The following VPS36 variants were observed in gnomAD, a reference collection of about 807,000 sequenced individuals.
The protein encoded by VPS36 is vacuolar protein sorting 36 homolog.
VPS36 carries 31 observed loss-of-function variants against 63.5 expected under a neutral mutation model. The ratio of observed to expected loss-of-function variants is 0.49; its 90% CI spans 0.37 to 0.66. VPS36 has a LOEUF of 0.66. Ranked by LOEUF, VPS36 falls within the 30% of genes least tolerant of loss-of-function variation. The pLI is 0.00. For missense variants in VPS36, 338 were observed against 463.7 expected, an observed-to-expected ratio of 0.73 and a Z score of 2.49; for synonymous variants, 138 against 157.2, an observed-to-expected ratio of 0.88 and a Z score of 0.91.
Position 52,413,378 on chromosome 13 carries a change from A to G in VPS36, c.*2452T>C, listed in dbSNP as rs574195816. The G allele has an allele frequency of 1.4e-5, 2 of 146,482 alleles. No individual in the cohort carries two copies. Among genetic ancestry groups the G allele is most frequent in the Admixed American group, 6.7e-5 (1 of 14,898 alleles). 9.1% of individuals were successfully genotyped at this position (146,482 alleles called of 1,614,324 possible). A position where few individuals can be genotyped will look rare whatever the true frequency, so the allele number is the denominator to read the frequency against. ...ACTAAAACAGTAAGAGCTCAATGTC[A>G]TAAGTATTTATAAGCAACTCTTAAT... On this transcript the variant is annotated 3_prime_UTR_variant, in exon 14 of 14. Transcript: ENST00000378060.
chr13:52,419,268 T>C (rs966250807), intron 10 of VPS36, among the ~76,000 whole-genome samples: 3 of 152,206 alleles, frequency 2.0e-5, no homozygotes, highest in African/African-American at 2.4e-5. Flanking sequence ...GAAGAACAGC[T>C]GAAGAATAGC....
At chr13:52,450,384 G>C in intron 1 of VPS36, 115 bp downstream of exon 1, 2 of 1,283,646 alleles carry the variant, frequency 1.6e-6, no homozygotes, top group Non-Finnish European at 2.0e-6. Context: ...GCCGCCGAGG[G>C]CCGTGAGCTA....
intron 4 of VPS36, chr13:52,436,073 C>T (rs1037904550): frequency 2.4e-6 from 1 of 416,450 alleles, no homozygotes; most frequent in Non-Finnish European, 4.3e-6. Context: ...GGAACACAAC[C>T]TCTGCTTCCC....
intron 3 of VPS36, among the ~76,000 whole-genome samples, chr13:52,437,102 T>C (rs1958226924): frequency 6.6e-6 from 1 of 152,134 alleles, no homozygotes; most frequent in Non-Finnish European, 1.5e-5. Flanking sequence ...TATAAAGATT[T>C]GGGAAACTAA....
chr13:52,438,587 A>G (rs1958242367), intron 3 of VPS36, among the ~76,000 whole-genome samples: 1 of 152,236 alleles, frequency 6.6e-6, no homozygotes, highest in Non-Finnish European at 1.5e-5. Context: ...TTGAATAAAC[A>G]GGAACATTTG....
chr13:52,447,784 CA>C (rs981514623), intron 1 of VPS36, among the ~76,000 whole-genome samples: 2 of 123,682 alleles, frequency 1.6e-5, no homozygotes, highest in African/African-American at 5.3e-5. Flanking sequence ...ATTATGAAGT[CA>C]TTTTTTTTTT....
At chr13:52,430,672 T>C (rs754850330) in intron 6 of VPS36, among the ~76,000 whole-genome samples, 13 of 151,562 alleles carry the variant, frequency 8.6e-5, no homozygotes, top group African/African-American at 1.5e-4. Flanking sequence ...AAAATTTCCC[T>C]GAAATTAAAA....
chr13:52,449,161 T>C (rs1472523728), intron 1 of VPS36, among the ~76,000 whole-genome samples: 1 of 152,188 alleles, frequency 6.6e-6, no homozygotes, highest in African/African-American at 2.4e-5. Flanking sequence ...CTGGCCAATG[T>C]GGTGAAACCC....
At chr13:52,432,246 G>C (rs1958166829) in intron 6 of VPS36, among the ~76,000 whole-genome samples, 1 of 152,062 alleles carries the variant, frequency 6.6e-6, no homozygotes. Context: ...AGCTACTCGG[G>C]AGGCTGAGGC....
rs966092925 is a variant in VPS36, at chr13:52,425,849, T to C, written c.774+83A>G. On this transcript the variant is annotated intron_variant, in intron 9 of 13. Transcript: ENST00000378060. ...GTTGACAATAACCATATCATGAAAA[T>C]AGTTATGCTCTTGTTAACATTTCTA... 18 of 1,371,128 alleles carry C rather than the reference T, an allele frequency of 1.3e-5. 1 individual carries two copies. The highest frequency in any genetic ancestry group is 2.0e-4 in the Middle Eastern group (1 of 5,000). The allele number at this position is 1,371,128 out of a possible 1,614,324, so 84.9% of individuals were successfully genotyped here.
intron 10 of VPS36, among the ~76,000 whole-genome samples, chr13:52,421,987 G>A (rs1211459970): frequency 6.6e-6 from 1 of 152,038 alleles, no homozygotes; most frequent in Non-Finnish European, 1.5e-5. Flanking sequence ...AACATTTCAA[G>A]TCCTCCCTTC....
intron 5 of VPS36, 69 bp downstream of exon 5, chr13:52,434,724 G>A: frequency 7.2e-7 from 1 of 1,387,696 alleles, no homozygotes. Flanking sequence ...CAATCACAGA[G>A]TCTTTTTCTT....
At position 52,415,853 on chromosome 13, in the gene VPS36, T is replaced by A; in HGVS notation, c.1138A>T (p.Asn380Tyr). 1.9e-6 allele frequency: 3 copies of A among 1,613,966 alleles called. No individual in the cohort carries two copies. The highest frequency in any genetic ancestry group is 2.5e-6 in the Non-Finnish European group (3 of 1,179,982). ...CCTTAGCTCTGTGTCATAAATAAATTTGGGTAAAAACGCAGGCCTTCCACT... is the reference window on the plus strand; with the variant it reads ...CCTTAGCTCTGTGTCATAAATAAATATGGGTAAAAACGCAGGCCTTCCACT... ...DSVEGLRFYP[N>Y]LFMTQS Residue 380 changes from asparagine (N) to tyrosine (Y), a missense_variant, in exon 14 of 14, where the codon AAT becomes TAT. Asn to Tyr is a moderately radical substitution (Grantham distance 143). Transcript: ENST00000378060.
At chr13:52,425,267 A>G (rs1003783285) in intron 9 of VPS36, among the ~76,000 whole-genome samples, 13 of 152,002 alleles carry the variant, frequency 8.6e-5, no homozygotes, top group African/African-American at 2.7e-4. Flanking sequence ...AAAAAAAAAA[A>G]AAAGAAAATG....
chr13:52,438,982 C>A, intron 3 of VPS36, 116 bp downstream of exon 3: 1 of 858,040 alleles, frequency 1.2e-6, no homozygotes, highest in South Asian at 2.2e-5. Context: ...CAAACCTTAG[C>A]TTTATTCATG....
At chr13:52,441,454 A>G (rs1160455229) in intron 2 of VPS36, among the ~76,000 whole-genome samples, 1 of 152,022 alleles carries the variant, frequency 6.6e-6, no homozygotes, top group African/African-American at 2.4e-5. Context: ...CTTCCCAAAA[A>G]CAAAAGACAA....
chr13:52,446,126 C>A (rs1346093217), intron 1 of VPS36, among the ~76,000 whole-genome samples: 3 of 146,428 alleles, frequency 2.0e-5, no homozygotes, highest in African/African-American at 7.6e-5. Context: ...AATTGCCGGG[C>A]GTGGTGGCGG....
chr13:52,432,893 G>GT (rs761393262), intron 6 of VPS36, among the ~76,000 whole-genome samples: 57 of 152,284 alleles, frequency 3.7e-4, no homozygotes, highest in Non-Finnish European at 7.6e-4. Flanking sequence ...ACTATTTGTA[G>GT]TTTTAGACTT....
chr13:52,443,429 TAAG>T, intron 1 of VPS36, among the ~76,000 whole-genome samples: 1 of 152,104 alleles, frequency 6.6e-6, no homozygotes, highest in East Asian at 1.9e-4. Context: ...AGTATCCCTA[TAAG>T]AAGAGGAAGA....
Sources: allele counts gnomAD v4.1 joint callset (sites outside exome capture counted in the v4.1 genomes callset), GRCh38; gene constraint gnomAD v4.1.1; transcripts MANE v1.5; gene names NCBI Gene and HGNC (gene_info 2026-07-23, HGNC 2026-07-21).